The following CACNA2D1 variants were observed in gnomAD, a reference collection of about 807,000 sequenced individuals.
CACNA2D1 encodes calcium voltage-gated channel auxiliary subunit alpha2delta 1.
Under a neutral mutation model 171.5 loss-of-function variants are expected in CACNA2D1, and 53 were observed. The observed-to-expected ratio is 0.31, with a 90% CI of 0.25 to 0.39. The LOEUF is 0.39. Ranked by LOEUF, CACNA2D1 falls within the 10% of genes least tolerant of loss-of-function variation. The pLI, the probability that CACNA2D1 is intolerant of heterozygous loss-of-function variation, is 1.00. For missense variants in CACNA2D1, 903 were observed against 1,299.8 expected, an observed-to-expected ratio of 0.69 and a Z score of 4.69; for synonymous variants, 442 against 443.1, an observed-to-expected ratio of 1.00 and a Z score of 0.03.
rs2129460400 is a variant in CACNA2D1, at chr7:82,443,768, C to T, written c.-309G>A. On this transcript the variant is annotated 5_prime_UTR_variant, in exon 1 of 39. Transcript: ENST00000356860. ...CTCGGCGAGCCCGCCGGCGCTCGCG[C>T]GCTCTCGCTCTCCCTCTCGGTTTCC... 9.3e-7 allele frequency: 1 copy of T among 1,069,804 alleles called. No individual in the cohort carries two copies. Among genetic ancestry groups the T allele is most frequent in the Non-Finnish European group, 1.2e-6 (1 of 840,712 alleles). 66.3% of individuals were successfully genotyped at this position (1,069,804 alleles called of 1,614,324 possible). A position where few individuals can be genotyped will look rare whatever the true frequency, so the allele number is the denominator to read the frequency against.
chr7:82,035,109 T>C (rs781277939), intron 11 of CACNA2D1, among the ~76,000 whole-genome samples: 26 of 152,138 alleles, frequency 1.7e-4, no homozygotes, highest in Admixed American at 3.3e-4. Context: ...GTAGAGTTGG[T>C]AACTTACTTT....
chr7:82,319,402 A>G (rs1291883092), intron 3 of CACNA2D1, among the ~76,000 whole-genome samples: 3 of 152,186 alleles, frequency 2.0e-5, no homozygotes, highest in Admixed American at 2.0e-4. Flanking sequence ...TACCCATTTG[A>G]GAGGTAGAAA....
intron 4 of CACNA2D1, among the ~76,000 whole-genome samples, chr7:82,136,882 A>G (rs1385912518): frequency 2.0e-5 from 3 of 152,214 alleles, no homozygotes; most frequent in African/African-American, 4.8e-5. Flanking sequence ...GCATTGGGAA[A>G]AAGATCCCAG....
chr7:82,363,520 C>A (rs1821328521), intron 1 of CACNA2D1, among the ~76,000 whole-genome samples: 2 of 152,002 alleles, frequency 1.3e-5, no homozygotes, highest in Non-Finnish European at 2.9e-5. Flanking sequence ...CAGCCTCGGC[C>A]TCCCAAAGTG....
intron 3 of CACNA2D1, among the ~76,000 whole-genome samples, chr7:82,274,804 C>A (rs1441048130): frequency 6.6e-6 from 1 of 152,016 alleles, no homozygotes; most frequent in East Asian, 1.9e-4. Flanking sequence ...AAATCAGTGC[C>A]TGACATACAT....
intron 1 of CACNA2D1, among the ~76,000 whole-genome samples, chr7:82,411,597 T>C (rs1445748334): frequency 6.6e-6 from 1 of 152,086 alleles, no homozygotes; most frequent in Non-Finnish European, 1.5e-5. Context: ...AGCACCTATA[T>C]GTACATCCAA....
At chr7:82,033,447 C>G (rs185345158) in intron 11 of CACNA2D1, among the ~76,000 whole-genome samples, 6 of 151,976 alleles carry the variant, frequency 3.9e-5, no homozygotes, top group Admixed American at 3.3e-4. Context: ...ATAGTATAAA[C>G]AAAAAATAAC....
chr7:82,124,311 T>C (rs932931472), intron 5 of CACNA2D1, among the ~76,000 whole-genome samples: 1 of 152,136 alleles, frequency 6.6e-6, no homozygotes, highest in Non-Finnish European at 1.5e-5. Context: ...CTACTTCCTT[T>C]GCAAAACCCT....
chr7:82,130,791 CTT>C (rs71093363), intron 5 of CACNA2D1, among the ~76,000 whole-genome samples: 7,074 of 104,646 alleles, frequency 0.068, 48 homozygotes, highest in South Asian at 0.11. Context: ...TTGTTTTTGT[CTT>C]TTTTTTTTTT....
intron 1 of CACNA2D1, among the ~76,000 whole-genome samples, chr7:82,398,622 G>C (rs752428956): frequency 6.0e-5 from 9 of 149,956 alleles, no homozygotes; most frequent in Non-Finnish European, 1.2e-4. Context: ...CAGTTGTCCA[G>C]GCTGAAGTGC....
chr7:82,411,356 A>T (rs1827630844), intron 1 of CACNA2D1, among the ~76,000 whole-genome samples: 1 of 152,190 alleles, frequency 6.6e-6, no homozygotes, highest in Non-Finnish European at 1.5e-5. Context: ...TCAATACTTC[A>T]GTGTCTTCAT....
At chr7:82,435,956 A>G (rs1830085682) in intron 1 of CACNA2D1, among the ~76,000 whole-genome samples, 1 of 152,154 alleles carries the variant, frequency 6.6e-6, no homozygotes, top group Non-Finnish European at 1.5e-5. Flanking sequence ...AACAAAGAAC[A>G]GACCACGTTT....
At chr7:82,134,035 T>G (rs187575221) in intron 5 of CACNA2D1, among the ~76,000 whole-genome samples, 1 of 151,310 alleles carries the variant, frequency 6.6e-6, no homozygotes, top group Non-Finnish European at 1.5e-5. Flanking sequence ...ATCGCACCAC[T>G]GTACTCCAGC....
chr7:82,419,904 T>C (rs1585897410), intron 1 of CACNA2D1, among the ~76,000 whole-genome samples: 1 of 152,176 alleles, frequency 6.6e-6, no homozygotes, highest in East Asian at 1.9e-4. Flanking sequence ...TCTGATGATA[T>C]CTGGTGACAT....
At chr7:81,974,400 C>T (rs1795609564) in intron 25 of CACNA2D1, 55 bp downstream of exon 25, 1 of 866,134 alleles carries the variant, frequency 1.2e-6, no homozygotes, top group East Asian at 2.5e-5. Flanking sequence ...CTATGATATA[C>T]TATAAACCAA....
At chr7:81,975,027 T>A (rs37075) in intron 24 of CACNA2D1, among the ~76,000 whole-genome samples, 91,922 of 148,268 alleles carry the variant, frequency 0.62, 28,330 homozygotes, top group Non-Finnish European at 0.66. Flanking sequence ...GAACTTAAAA[T>A]AAAAAAAAAA....
intron 4 of CACNA2D1, among the ~76,000 whole-genome samples, chr7:82,140,727 G>A (rs956562541): frequency 7.9e-5 from 12 of 151,852 alleles, no homozygotes; most frequent in South Asian, 2.1e-4. Context: ...AGGCCGAGGC[G>A]GGTGGATCAC....
At chr7:82,078,638 C>G (rs1809304614) in intron 7 of CACNA2D1, among the ~76,000 whole-genome samples, 1 of 152,172 alleles carries the variant, frequency 6.6e-6, no homozygotes, top group South Asian at 2.1e-4. Flanking sequence ...TAGGGCTAGT[C>G]ATTCTACTTA....
At chr7:82,155,816 T>C (rs1794324245) in intron 4 of CACNA2D1, among the ~76,000 whole-genome samples, 1 of 152,176 alleles carries the variant, frequency 6.6e-6, no homozygotes, top group East Asian at 1.9e-4. Context: ...AAAATTACTG[T>C]CTTAATTACT....
Sources: allele counts gnomAD v4.1 joint callset (sites outside exome capture counted in the v4.1 genomes callset), GRCh38; gene constraint gnomAD v4.1.1; transcripts MANE v1.5; gene names NCBI Gene and HGNC (gene_info 2026-07-23, HGNC 2026-07-21).